Variants in CHCHD3 observed in about 807,000 individuals in gnomAD.
CHCHD3 encodes coiled-coil-helix-coiled-coil-helix domain containing 3, also known as MICOS complex subunit MIC19.
In CHCHD3, 20 loss-of-function variants were observed where a neutral mutation model predicts 38.2. That is an observed-to-expected ratio of 0.52 (90% CI 0.37 to 0.76). CHCHD3 has a LOEUF of 0.76. Ranked by LOEUF, CHCHD3 falls within the 30% of genes least tolerant of loss-of-function variation. The pLI is 0.00. For synonymous variants in CHCHD3, 82 were observed against 100.0 expected (o/e 0.82, Z 1.07); for missense variants, 245 against 279.2 (o/e 0.88, Z 0.87).
At chr7:132,942,209 A>G (rs1226949440) in intron 4 of CHCHD3, among the ~76,000 whole-genome samples, 1 of 152,184 alleles carries the variant, frequency 6.6e-6, no homozygotes, top group Non-Finnish European at 1.5e-5. Flanking sequence ...TCACACGGGC[A>G]GGAGGAAAGG....
chr7:133,030,189 T>C (rs1161186264), intron 2 of CHCHD3, among the ~76,000 whole-genome samples: 1 of 152,030 alleles, frequency 6.6e-6, no homozygotes, highest in Non-Finnish European at 1.5e-5. Flanking sequence ...ACCAGTGAGG[T>C]AATGGGTTCT....
chr7:133,059,113 G>C (rs1449132729), intron 2 of CHCHD3, among the ~76,000 whole-genome samples: 1 of 152,086 alleles, frequency 6.6e-6, no homozygotes, highest in African/African-American at 2.4e-5. Flanking sequence ...ATGAATGATG[G>C]CAGAAAGACC....
intron 5 of CHCHD3, among the ~76,000 whole-genome samples, chr7:132,871,027 G>A (rs1182237793): frequency 6.6e-6 from 1 of 152,116 alleles, no homozygotes; most frequent in Non-Finnish European, 1.5e-5. Flanking sequence ...TAAAATATCA[G>A]CAGTCTTGTT....
At position 132,885,647 on chromosome 7, in the gene CHCHD3, AAAAAATAG is replaced by A; in HGVS notation, c.453+7_453+14del. The A allele has an allele frequency of 6.3e-7, 1 of 1,575,124 alleles. No homozygotes were observed. The highest frequency in any genetic ancestry group is 1.2e-5 in the South Asian group (1 of 84,358). On this transcript the variant is annotated splice_region_variant and intron_variant, in intron 5 of 7. Coordinates refer to ENST00000262570, the MANE Select transcript of CHCHD3 (RefSeq NM_017812.4). ...CAGATGTGGTAATAGAATCAATGAT[AAAAAATAG>A]TCATACCCTCTCCTCCAGTCTAGCC...
chr7:132,820,609 GTGTT>G (rs1233608098), intron 6 of CHCHD3, among the ~76,000 whole-genome samples: 7 of 119,794 alleles, frequency 5.8e-5, no homozygotes, highest in African/African-American at 2.1e-4. Context: ...AAATGTGCTA[GTGTT>G]TTTTTTTTTT....
Position 132,807,337 on chromosome 7 carries a change from T to C in CHCHD3, c.525-10760A>G, listed in dbSNP as rs1806948613. Among the ~76,000 whole-genome samples, 3 of 152,146 alleles carry C rather than the reference T, an allele frequency of 2.0e-5. No individual in the cohort carries two copies. In the South Asian group the frequency reaches 6.2e-4, roughly 32 times the overall value. On this transcript the variant is annotated intron_variant, in intron 6 of 7. Transcript: ENST00000262570. ...CCACTACAGCATCTAATTTTACATA[T>C]AAGGTAAGTATATCTAAGGCAGGAA...
At chr7:132,806,358 A>G (rs1806920565) in intron 6 of CHCHD3, among the ~76,000 whole-genome samples, 1 of 152,198 alleles carries the variant, frequency 6.6e-6, no homozygotes, top group Non-Finnish European at 1.5e-5. Context: ...TCAATTCCAT[A>G]TCCTTTAGAG....
Position 133,024,565 on chromosome 7 carries a change from C to T in CHCHD3, c.232G>A (p.Glu78Lys). The change falls in exon 3 of 8, where the codon GAA (glutamate) becomes AAA (lysine). Residue 78 changes from glutamate (E) to lysine (K), a missense_variant. Transcript: ENST00000262570. ...EELALEQAKK[E>K]SEDQKRLKQA... The stretch of plus-strand genomic sequence containing the variant: ...ACTCACCGTTTCTGATCTTCGGATT[C>T]TTTCTTGGCTTGCTCCAATGCCAGC... 6.2e-7 allele frequency: 1 copy of T among 1,613,530 alleles called. No homozygotes were observed. The highest frequency in any genetic ancestry group is 8.5e-7 in the Non-Finnish European group (1 of 1,179,532).
At chr7:133,020,129 G>A (rs377745231) in intron 3 of CHCHD3, among the ~76,000 whole-genome samples, 3 of 152,126 alleles carry the variant, frequency 2.0e-5, no homozygotes, top group Non-Finnish European at 2.9e-5. Context: ...ATCTATCAGC[G>A]ATTTGTGCGG....
At chr7:133,022,073 C>T (rs370023024) in intron 3 of CHCHD3, among the ~76,000 whole-genome samples, 5 of 151,464 alleles carry the variant, frequency 3.3e-5, no homozygotes, top group East Asian at 1.9e-4. Context: ...GGTGACAGAG[C>T]GAGACTCCAT....
In CHCHD3 at chr7:133,024,592, C is replaced by T. The variant is rs771048200; in HGVS notation, c.205G>A (p.Glu69Lys). 3 of 1,613,872 alleles carry T rather than the reference C, an allele frequency of 1.9e-6. No homozygotes were observed. The Admixed American group carries it at 5.0e-5, about 27-fold the overall frequency. The part of the protein sequence containing the change: ...DEELKRRVAE[E>K]LALEQAKKES... The stretch of plus-strand genomic sequence containing the variant: ...TTCTTGGCTTGCTCCAATGCCAGCT[C>T]CTCAGCTACTCTTCTTTTCAATTCT... The change falls in exon 3 of 8, where the codon GAG becomes AAG. Residue 69 changes from glutamate to lysine, a missense_variant. Glu to Lys is a moderately conservative substitution (Grantham distance 56, BLOSUM62 1). Transcript: ENST00000262570.
At chr7:132,867,815 T>A (rs1278847682) in intron 5 of CHCHD3, among the ~76,000 whole-genome samples, 1 of 152,180 alleles carries the variant, frequency 6.6e-6, no homozygotes, top group East Asian at 1.9e-4. Context: ...GAAAAATGAT[T>A]TTCTCTGGAT....
intron 2 of CHCHD3, among the ~76,000 whole-genome samples, chr7:133,033,054 C>T (rs1002186098): frequency 1.6e-4 from 25 of 152,102 alleles, no homozygotes; most frequent in Non-Finnish European, 2.4e-4. Flanking sequence ...ATAAAACAAG[C>T]TAATTTATAA....
chr7:132,894,433 A>C (rs1240370265), intron 4 of CHCHD3, among the ~76,000 whole-genome samples: 5 of 152,204 alleles, frequency 3.3e-5, no homozygotes, highest in Non-Finnish European at 7.3e-5. Context: ...CCACTCTTGG[A>C]TATTACTTCC....
intron 2 of CHCHD3, among the ~76,000 whole-genome samples, chr7:133,026,032 C>T (rs1157115040): frequency 6.6e-6 from 1 of 152,144 alleles, no homozygotes; most frequent in Non-Finnish European, 1.5e-5. Flanking sequence ...TGAGGACTAT[C>T]AGACTGCAAC....
chr7:132,915,074 G>C (rs745683610), intron 4 of CHCHD3, among the ~76,000 whole-genome samples: 1 of 151,716 alleles, frequency 6.6e-6, no homozygotes, highest in South Asian at 2.1e-4. Flanking sequence ...AGGCAGGAGA[G>C]GTTGCAGTCA....
intron 2 of CHCHD3, 126 bp downstream of exon 2, chr7:133,070,016 A>G (rs1345660171): frequency 1.5e-5 from 10 of 646,936 alleles, no homozygotes; most frequent in Admixed American, 3.4e-5. Context: ...GATTTCTAAT[A>G]TTCCTTATTA....
chr7:132,870,090 C>A (rs1011378001), intron 5 of CHCHD3, among the ~76,000 whole-genome samples: 3 of 151,904 alleles, frequency 2.0e-5, no homozygotes, highest in Non-Finnish European at 4.4e-5. Flanking sequence ...GGGACTCATG[C>A]CTGTAATCCC....
chr7:133,067,565 A>G lies in CHCHD3; in HGVS notation c.169+2577T>C, dbSNP rs148985949. ...AGCAAAGGTATATTTATCATCAGCT[A>G]GATGTGCTCACTGTATGCAGTGGTA... On this transcript the variant is annotated intron_variant, in intron 2 of 7. Coordinates refer to ENST00000262570, the MANE Select transcript of CHCHD3 (RefSeq NM_017812.4). Among the ~76,000 whole-genome samples, 29 of 152,320 alleles carry G rather than the reference A, an allele frequency of 1.9e-4. No homozygotes were observed. In the East Asian group the frequency reaches 5.0e-3, roughly 26 times the overall value.
Sources: gnomAD v4.1 joint callset for allele counts (sites outside exome capture counted in the v4.1 genomes callset) on GRCh38, gnomAD v4.1.1 for gene constraint, MANE v1.5 for transcripts, NCBI Gene and HGNC (gene_info 2026-07-23, HGNC 2026-07-21) for gene names.